FKBP9: variants seen among roughly 807,000 people sequenced by gnomAD.
The protein encoded by FKBP9 is peptidyl-prolyl cis-trans isomerase FKBP9.
In FKBP9, 27 loss-of-function variants were observed where a neutral mutation model predicts 55.6. The ratio of observed to expected loss-of-function variants is 0.49; its 90% CI spans 0.36 to 0.67. The LOEUF (loss-of-function observed/expected upper bound fraction) is 0.67. FKBP9 is among the 30% of genes least tolerant of loss of function. The pLI is 0.00. For missense variants in FKBP9, 539 were observed against 742.8 expected (o/e 0.73, Z 3.19); for synonymous variants, 267 against 296.5 (o/e 0.90, Z 1.02).
At chr7:32,962,876 G>A (rs1489473988) in intron 1 of FKBP9, among the ~76,000 whole-genome samples, 2 of 145,264 alleles carry the variant, frequency 1.4e-5, no homozygotes, top group African/African-American at 5.0e-5. Context: ...AGCAGTAGGA[G>A]TGAGGGGTGG....
intron 1 of FKBP9, among the ~76,000 whole-genome samples, chr7:32,965,828 T>TATATATGTGTACAC (rs1554284326): frequency 0.02 from 706 of 34,874 alleles, 14 homozygotes; most frequent in South Asian, 0.027. Context: ...TATATATATA[T>TATATATGTGTACAC]ATATATATAT....
chr7:32,958,054 C>G (rs991314019), intron 1 of FKBP9, among the ~76,000 whole-genome samples: 20 of 152,232 alleles, frequency 1.3e-4, no homozygotes, highest in African/African-American at 4.1e-4. Context: ...CCACGTCCTC[C>G]CTTTCCTCCC....
At position 33,005,672 on chromosome 7, in the gene FKBP9, C is replaced by T. The variant is rs148070251; in HGVS notation, c.*321C>T. On this transcript the variant is annotated 3_prime_UTR_variant, in exon 10 of 10. Transcript: ENST00000242209. ...TATTAAAGGAATATATAGTGTCAGA[C>T]GGAAGTTATAATCATCTTGGAGGAA... 3.7e-3 allele frequency: 1,063 copies of T among 289,994 alleles called. 12 individuals carry two copies. The highest frequency in any genetic ancestry group is 0.021 in the African/African-American group (969 of 47,110). The allele number at this position is 289,994 out of a possible 1,614,324, so 18.0% of individuals were successfully genotyped here.
intron 5 of FKBP9, among the ~76,000 whole-genome samples, chr7:32,984,659 C>A (rs571558818): frequency 6.6e-6 from 1 of 152,298 alleles, no homozygotes; most frequent in Admixed American, 6.5e-5. Flanking sequence ...ACCATGAGAT[C>A]GCCAGTGTTA....
chr7:32,975,396 A>G (rs1334403331), intron 3 of FKBP9, 25 bp downstream of exon 3: 1 of 1,591,788 alleles, frequency 6.3e-7, no homozygotes, highest in Non-Finnish European at 8.6e-7. Context: ...TCATGGCAGT[A>G]TCAGTGAAAT....
At position 33,002,707 on chromosome 7, in the gene FKBP9, G is replaced by A. The variant is rs1583874357; in HGVS notation, c.1404G>A (p.Val468=). The A allele has an allele frequency of 4.3e-6, 7 of 1,614,164 alleles. 1 individual carries two copies. Among genetic ancestry groups the A allele is most frequent in the Middle Eastern group, 1.7e-4 (1 of 6,060 alleles). Residue 468 remains valine (V), a synonymous_variant, in exon 9 of 10, where the codon GTG becomes GTA. Transcript: ENST00000242209. ...DGEVPGSAVL[V]FDIELLELVA... ...AAGTGCCCGGCAGTGCCGTATTAGT[G>A]TTTGACATTGAGCTGCTGGAGCTGG...
intron 4 of FKBP9, among the ~76,000 whole-genome samples, chr7:32,977,883 G>GCCCATATATATATATA (rs1784395446): frequency 1.6e-5 from 2 of 128,104 alleles, no homozygotes; most frequent in African/African-American, 6.2e-5. Flanking sequence ...ATATATATAT[G>GCCCATATATATATATA]TATATATACA....
At chr7:32,979,282 A>AT (rs896462917) in intron 4 of FKBP9, among the ~76,000 whole-genome samples, 5 of 152,166 alleles carry the variant, frequency 3.3e-5, no homozygotes, top group African/African-American at 7.2e-5. Context: ...AAAAAAAAAA[A>AT]GAAAAGAAAA....
intron 1 of FKBP9, among the ~76,000 whole-genome samples, chr7:32,965,730 G>T (rs570754191): frequency 1.4e-5 from 2 of 141,620 alleles, no homozygotes; most frequent in Admixed American, 7.3e-5. Context: ...CCCGGGAGGT[G>T]GAGGTTGCAG....
intron 8 of FKBP9, among the ~76,000 whole-genome samples, chr7:33,001,248 ATTG>A (rs1289636057): frequency 6.6e-6 from 1 of 152,226 alleles, no homozygotes; most frequent in Non-Finnish European, 1.5e-5. Flanking sequence ...CGCTTTAAAA[ATTG>A]TTGTATATTC....
intron 9 of FKBP9, among the ~76,000 whole-genome samples, chr7:33,004,774 T>C (rs1376490706): frequency 6.6e-6 from 1 of 152,176 alleles, no homozygotes; most frequent in Non-Finnish European, 1.5e-5. Context: ...TATTTCAAGA[T>C]CTAGAACAGT....
In FKBP9 at chr7:33,005,432, G is replaced by A; in HGVS notation, c.*81G>A. The A allele has an allele frequency of 6.6e-7, 1 of 1,513,384 alleles. No homozygotes were observed. The highest frequency in any genetic ancestry group is 9.0e-7 in the Non-Finnish European group (1 of 1,107,994). 93.7% of individuals were successfully genotyped at this position (1,513,384 alleles called of 1,614,324 possible). On this transcript the variant is annotated 3_prime_UTR_variant, in exon 10 of 10. Transcript: ENST00000242209. ...GCAAGACGTGCAGTGAGGGTGCAAG[G>A]GTCTCTCAGAAGTTGCATCATTAGC...
At position 32,957,679 on chromosome 7, in the gene FKBP9, CT is replaced by C. The variant is rs763249022; in HGVS notation, c.107del (p.Leu36ArgfsTer55). ...PVAGLGSDAE[L>X]QIERRFVPDE... Reference sequence around the variant, plus strand: ...GGCGGGCCTGGGCTCCGACGCGGAGCTGCAGATCGAGCGGCGCTTCGTGCCC... The same window carrying C: ...GGCGGGCCTGGGCTCCGACGCGGAGCGCAGATCGAGCGGCGCTTCGTGCCC... On this transcript the variant is annotated frameshift_variant, in exon 1 of 10. Transcript: ENST00000242209. LOFTEE classifies it high-confidence loss of function. The C allele has an allele frequency of 9.2e-6, 14 of 1,524,630 alleles. No homozygotes were observed. Among genetic ancestry groups the C allele is most frequent in the African/African-American group, 1.4e-5 (1 of 69,492 alleles). 94.4% of individuals were successfully genotyped at this position (1,524,630 alleles called of 1,614,324 possible).
At chr7:33,004,045 C>T (rs1168038413) in intron 9 of FKBP9, among the ~76,000 whole-genome samples, 1 of 152,086 alleles carries the variant, frequency 6.6e-6, no homozygotes, top group African/African-American at 2.4e-5. Flanking sequence ...TCACTGGCCT[C>T]CAGTGGCTCA....
At chr7:32,976,963 A>G (rs1376672715) in intron 4 of FKBP9, among the ~76,000 whole-genome samples, 5 of 152,214 alleles carry the variant, frequency 3.3e-5, no homozygotes, top group African/African-American at 1.2e-4. Flanking sequence ...TGAATTAGAC[A>G]CTATAAAAGT....
At chr7:32,967,303 A>T (rs992426787) in intron 1 of FKBP9, among the ~76,000 whole-genome samples, 1 of 152,208 alleles carries the variant, frequency 6.6e-6, no homozygotes, top group South Asian at 2.1e-4. Context: ...CTATATTCAC[A>T]CTGTTGTGCA....
chr7:33,005,499 G>C lies in FKBP9; in HGVS notation c.*148G>C, dbSNP rs546819739. The C allele has an allele frequency of 5.4e-4, 428 of 796,418 alleles. 1 individual carries two copies. The African/African-American group carries it at 7.1e-3, about 13-fold the overall frequency. 49.3% of individuals were successfully genotyped at this position (796,418 alleles called of 1,614,324 possible). On this transcript the variant is annotated 3_prime_UTR_variant, in exon 10 of 10. Transcript: ENST00000242209. Reference sequence around the variant, plus strand: ...ACATAGTACCTGGTGTACACATCGGGGTGGGTTGATATATGGGGTGAGAAG... The same window carrying C: ...ACATAGTACCTGGTGTACACATCGGCGTGGGTTGATATATGGGGTGAGAAG...
Position 33,005,312 on chromosome 7 carries a change from T to C in FKBP9, c.1674T>C (p.Phe558=). 1 of 1,614,244 alleles carries C rather than the reference T, an allele frequency of 6.2e-7. No individual in the cohort carries two copies. The highest frequency in any genetic ancestry group is 1.3e-5 in the African/African-American group (1 of 75,062). Residue 558 remains phenylalanine, a synonymous_variant, in exon 10 of 10, where the codon TTT becomes TTC. Transcript: ENST00000242209. ...ATGGGAAGGTCACAGCCGAGGAATT[T>C]AAACTCAAAGACCAGGAAGCCAAAC... ...NGDGKVTAEE[F]KLKDQEAKHD... is the part of the protein sequence containing the mutation.
intron 1 of FKBP9, among the ~76,000 whole-genome samples, chr7:32,966,131 T>G (rs1269935497): frequency 1.5e-5 from 2 of 134,522 alleles, no homozygotes; most frequent in East Asian, 2.1e-4. Context: ...AAGCAGAGGT[T>G]GCAGTGAGCC....
Sources: gnomAD v4.1 joint callset for allele counts (sites outside exome capture counted in the v4.1 genomes callset) on GRCh38, gnomAD v4.1.1 for gene constraint, MANE v1.5 for transcripts, NCBI Gene and HGNC (gene_info 2026-07-23, HGNC 2026-07-21) for gene names.